The following PCDHGC3 variants were observed in gnomAD, a reference collection of about 807,000 sequenced individuals.
PCDHGC3 encodes protocadherin gamma subfamily C, 3.
A neutral mutation model predicts 59.2 loss-of-function variants in PCDHGC3; 26 were observed. That is an observed-to-expected ratio of 0.44 (90% CI 0.32 to 0.61). PCDHGC3 has a LOEUF of 0.61. PCDHGC3 is among the 20% of genes least tolerant of loss of function. PCDHGC3 has a pLI of 0.05. For synonymous variants in PCDHGC3, 487 were observed against 519.7 expected, an observed-to-expected ratio of 0.94 and a Z score of 0.86; for missense variants, 1,080 against 1,221.8, an observed-to-expected ratio of 0.88 and a Z score of 1.73.
At chr5:141,507,443 G>A (rs2099860678) in intron 3 of PCDHGC3, among the ~76,000 whole-genome samples, 2 of 152,200 alleles carry the variant, frequency 1.3e-5, no homozygotes. Flanking sequence ...TACAGCTGAC[G>A]GAAGGACAGA....
rs537087639 is a variant in PCDHGC3 at position 141,510,502 on chromosome 5, G to A, written c.2579-445G>A. 3.3e-5 allele frequency among the ~76,000 whole-genome samples: 5 copies of A among 152,296 alleles called. No homozygotes were observed. The South Asian group carries it at 6.2e-4, about 19-fold the overall frequency. ...CTTGAGAAAGCCAGGGCAAGGAACTGAGAGCCCGTGTCACAGCCCTGAGAG... is the reference window on the plus strand; with the variant it reads ...CTTGAGAAAGCCAGGGCAAGGAACTAAGAGCCCGTGTCACAGCCCTGAGAG... On this transcript the variant is annotated intron_variant, in intron 3 of 3. Coordinates refer to ENST00000308177, the MANE Select transcript of PCDHGC3 (RefSeq NM_002588.4).
intron 2 of PCDHGC3, among the ~76,000 whole-genome samples, chr5:141,495,994 T>C (rs2099765151): frequency 6.6e-6 from 1 of 152,146 alleles, no homozygotes; most frequent in Non-Finnish European, 1.5e-5. Flanking sequence ...ATCTCTCTTT[T>C]TCTTTTATCT....
In PCDHGC3 at chr5:141,478,028, G is replaced by A. The variant is rs2099428840; in HGVS notation, c.1912G>A (p.Asp638Asn). ...ISTARPVQDTDSPRQTLTVLI... is the reference protein window; with the variant it reads ...ISTARPVQDTNSPRQTLTVLI... ...TACTGCCCGTCCAGTCCAAGACACA[G>A]ATTCACCCAGGCAGACTCTCACGGT... Residue 638 changes from aspartate (D) to asparagine (N), a missense_variant, in exon 1 of 4, where the codon GAT (aspartate) becomes AAT (asparagine). Physicochemically the swap from Asp to Asn is conservative, Grantham distance 23. Coordinates refer to ENST00000308177, the MANE Select transcript of PCDHGC3 (RefSeq NM_002588.4). The A allele has an allele frequency of 6.2e-7, 1 of 1,614,060 alleles. No individual in the cohort carries two copies. Among genetic ancestry groups the A allele is most frequent in the South Asian group, 1.1e-5 (1 of 91,088 alleles).
rs2154586748 is a variant in PCDHGC3 at position 141,491,733 on chromosome 5, T to A, written c.2431-3074T>A. The A allele has an allele frequency of 6.2e-7, 1 of 1,602,698 alleles. No individual in the cohort carries two copies. Among genetic ancestry groups the A allele is most frequent in the Non-Finnish European group, 8.5e-7 (1 of 1,175,258 alleles). On this transcript the variant is annotated intron_variant, in intron 1 of 3. Transcript: ENST00000308177. The surrounding 1 kb of genome is among the most constrained non-coding windows in gnomAD (Gnocchi z 6.9). ...GCTCGGCGCCGCCCCGGGCGACCCC[T>A]GGGGGCGGCACTGGAGAAGCCGCCC...
At chr5:141,505,341 A>G in intron 2 of PCDHGC3, 52 bp from the exon 3 acceptor site, 3 of 1,612,728 alleles carry the variant, frequency 1.9e-6, no homozygotes, top group Non-Finnish European at 2.5e-6. Context: ...CAGGAGGGGC[A>G]TGAGCTGTGC....
chr5:141,486,714 C>G lies in PCDHGC3; in HGVS notation c.2431-8093C>G. On this transcript the variant is annotated intron_variant, in intron 1 of 3. Transcript: ENST00000308177. This position sits in a 1 kb window ranked among gnomAD's most constrained non-coding sequence, Gnocchi z 5.0. ...TCTTTCATCTCTCTGAACCCCCAGA[C>G]AGGAGCTGTTCATGCTACTCGATCC... 1.2e-6 allele frequency: 2 copies of G among 1,614,216 alleles called. No individual in the cohort carries two copies. Among genetic ancestry groups the G allele is most frequent in the African/African-American group, 1.3e-5 (1 of 75,062 alleles).
In PCDHGC3 at chr5:141,491,406, C is replaced by G. The variant is rs773729429; in HGVS notation, c.2431-3401C>G. On this transcript the variant is annotated intron_variant, in intron 1 of 3. Transcript: ENST00000308177. This position sits in a 1 kb window ranked among gnomAD's most constrained non-coding sequence, Gnocchi z 6.9. ...CGAAGTGCCTTCAGGGAAACGCAGA[C>G]GGGGACGGGGGTGGAGGGCAGTGCT... 9 of 1,613,978 alleles carry G rather than the reference C, an allele frequency of 5.6e-6. No homozygotes were observed.
chr5:141,495,642 C>T (rs1294293252), intron 2 of PCDHGC3, among the ~76,000 whole-genome samples: 1 of 152,208 alleles, frequency 6.6e-6, no homozygotes. Flanking sequence ...TTTCATTTGT[C>T]TACTTGCATT....
Position 141,486,416 on chromosome 5 carries a change from C to G in PCDHGC3, c.2430+7870C>G. The G allele has an allele frequency of 4.3e-6, 7 of 1,614,152 alleles. No homozygotes were observed. The highest frequency in any genetic ancestry group is 5.9e-6 in the Non-Finnish European group (7 of 1,180,016). On this transcript the variant is annotated intron_variant, in intron 1 of 3. Coordinates refer to ENST00000308177, the MANE Select transcript of PCDHGC3 (RefSeq NM_002588.4). The surrounding 1 kb of genome is among the most constrained non-coding windows in gnomAD (Gnocchi z 5.0). Reference sequence around the variant, plus strand: ...CCTGGTGACTGCTGGACCCTTGGATCGAGAGGCCAAATCTAGCTATGACAT... The same window carrying G: ...CCTGGTGACTGCTGGACCCTTGGATGGAGAGGCCAAATCTAGCTATGACAT...
intron 2 of PCDHGC3, among the ~76,000 whole-genome samples, chr5:141,500,501 G>A (rs571735791): frequency 1.3e-5 from 2 of 152,058 alleles, no homozygotes; most frequent in Non-Finnish European, 2.9e-5. Context: ...GAGCCACCGC[G>A]CCTGGCCGAG....
At chr5:141,479,862 C>T (rs2099508997) in intron 1 of PCDHGC3, among the ~76,000 whole-genome samples, 1 of 152,170 alleles carries the variant, frequency 6.6e-6, no homozygotes, top group Non-Finnish European at 1.5e-5. Flanking sequence ...GGCCTTTGCC[C>T]TGGAGAGAAC....
rs754178145 is a variant in PCDHGC3 at position 141,489,423 on chromosome 5, C to G, written c.2431-5384C>G. On this transcript the variant is annotated intron_variant, in intron 1 of 3. Transcript: ENST00000308177. The surrounding 1 kb of genome is among the most constrained non-coding windows in gnomAD (Gnocchi z 4.5). ...GCTTAAAGATGACAGATCTGTTGAG[C>G]CGGCGGCTGCAATTGGGCTCTGAGG... 3 of 1,614,098 alleles carry G rather than the reference C, an allele frequency of 1.9e-6. No individual in the cohort carries two copies. The highest frequency in any genetic ancestry group is 1.7e-5 in the Admixed American group (1 of 60,020).
intron 1 of PCDHGC3, among the ~76,000 whole-genome samples, chr5:141,484,306 C>T (rs1009067603): frequency 6.6e-6 from 1 of 152,184 alleles, no homozygotes; most frequent in African/African-American, 2.4e-5. Context: ...GCTTCCTCCA[C>T]CCCGCTTCCA....
At chr5:141,507,432 C>T (rs2099860585) in intron 3 of PCDHGC3, 1 of 152,198 alleles carries the variant, frequency 6.6e-6, no homozygotes. Flanking sequence ...GGGGCCAGGC[C>T]TACAGCTGAC....
chr5:141,500,445 G>A (rs1319009998), intron 2 of PCDHGC3, among the ~76,000 whole-genome samples: 1 of 151,816 alleles, frequency 6.6e-6, no homozygotes, highest in Non-Finnish European at 1.5e-5. Flanking sequence ...TCCTGACCTC[G>A]TGATCCGCCC....
In PCDHGC3 at chr5:141,493,811, A is replaced by T. The variant is rs956872917; in HGVS notation, c.2431-996A>T. Reference sequence around the variant, plus strand: ...CTCCCTGGAGTAATCTGAGATACTCACACTCTCTGCTTCTGGGAGCAAGTA... The same window carrying T: ...CTCCCTGGAGTAATCTGAGATACTCTCACTCTCTGCTTCTGGGAGCAAGTA... On this transcript the variant is annotated intron_variant, in intron 1 of 3. Transcript: ENST00000308177. The surrounding 1 kb of genome is among the most constrained non-coding windows in gnomAD (Gnocchi z 4.3). Among the ~76,000 whole-genome samples the T allele has an allele frequency of 1.3e-5, 2 of 152,154 alleles. No homozygotes were observed. The highest frequency in any genetic ancestry group is 2.9e-5 in the Non-Finnish European group (2 of 68,036).
intron 1 of PCDHGC3, among the ~76,000 whole-genome samples, chr5:141,494,100 G>T (rs559145191): frequency 6.6e-6 from 1 of 152,152 alleles, no homozygotes; most frequent in Non-Finnish European, 1.5e-5. Flanking sequence ...ATTTTTCTCC[G>T]TCTCAGACAG....
In PCDHGC3 at chr5:141,489,633, T is replaced by C. The variant is rs1298084961; in HGVS notation, c.2431-5174T>C. On this transcript the variant is annotated intron_variant, in intron 1 of 3. Coordinates refer to ENST00000308177, the MANE Select transcript of PCDHGC3 (RefSeq NM_002588.4). The surrounding 1 kb of genome is among the most constrained non-coding windows in gnomAD (Gnocchi z 4.5). ...TCCTGGATCTCAATGACAACTCTCC[T>C]AGCTTTGCCACCCCTGAGCGAGAGA... The C allele has an allele frequency of 6.2e-7, 1 of 1,614,160 alleles. No individual in the cohort carries two copies. Among genetic ancestry groups the C allele is most frequent in the South Asian group, 1.1e-5 (1 of 91,086 alleles).
rs1428628914 is a variant in PCDHGC3, at chr5:141,487,223, G to A, written c.2431-7584G>A. 1.2e-6 allele frequency: 2 copies of A among 1,614,076 alleles called. No homozygotes were observed. The highest frequency in any genetic ancestry group is 2.2e-5 in the East Asian group (1 of 44,866). The stretch of plus-strand genomic sequence containing the variant: ...TCTTCGAGAATCTTCAGCTCCAAGG[G>A]AAGGAGAATCTCGTCTAACCCTCTA... On this transcript the variant is annotated intron_variant, in intron 1 of 3. Transcript: ENST00000308177. This position sits in a 1 kb window ranked among gnomAD's most constrained non-coding sequence, Gnocchi z 5.0.
Sources: allele counts gnomAD v4.1 joint callset (sites outside exome capture counted in the v4.1 genomes callset), GRCh38; gene constraint gnomAD v4.1.1; non-coding constraint Gnocchi (gnomAD v3.1); transcripts MANE v1.5; gene names NCBI Gene and HGNC (gene_info 2026-07-23, HGNC 2026-07-21).